PTPRT: variants seen among roughly 807,000 people sequenced by gnomAD.
PTPRT encodes protein tyrosine phosphatase receptor type T, also known as receptor-type tyrosine-protein phosphatase T.
In PTPRT, 56 loss-of-function variants were observed where a neutral mutation model predicts 176.8. That is an observed-to-expected ratio of 0.32 (90% CI 0.26 to 0.40). PTPRT has a LOEUF of 0.40. Ranked by LOEUF, PTPRT falls within the 10% of genes least tolerant of loss-of-function variation. The pLI, the probability that PTPRT is intolerant of heterozygous loss-of-function variation, is 1.00. For synonymous variants in PTPRT, 783 were observed against 739.0 expected, an observed-to-expected ratio of 1.06 and a Z score of -0.96; for missense variants, 1,540 against 1,908.2, an observed-to-expected ratio of 0.81 and a Z score of 3.60.
At chr20:42,415,229 T>G (rs1355349239) in intron 9 of PTPRT, among the ~76,000 whole-genome samples, 1 of 152,190 alleles carries the variant, frequency 6.6e-6, no homozygotes, top group Non-Finnish European at 1.5e-5. Flanking sequence ...TTGCTCAGGG[T>G]GGAGTGCAGT....
intron 11 of PTPRT, among the ~76,000 whole-genome samples, chr20:42,317,167 C>T (rs746222023): frequency 1.8e-4 from 28 of 152,178 alleles, no homozygotes; most frequent in African/African-American, 6.0e-4. Flanking sequence ...AAACCCTAAT[C>T]GGATAAACAG....
intron 1 of PTPRT, among the ~76,000 whole-genome samples, chr20:43,092,073 A>G: frequency 6.6e-6 from 1 of 152,212 alleles, no homozygotes; most frequent in East Asian, 1.9e-4. Context: ...TTCTCAAAAA[A>G]CAAAGCATAC....
chr20:42,637,636 A>T (rs1274149497), intron 7 of PTPRT, among the ~76,000 whole-genome samples: 1 of 152,106 alleles, frequency 6.6e-6, no homozygotes, highest in East Asian at 1.9e-4. Context: ...AAAATTTTTC[A>T]TATCATTTTC....
At chr20:42,312,778 A>T (rs2057654248) in intron 12 of PTPRT, among the ~76,000 whole-genome samples, 1 of 147,786 alleles carries the variant, frequency 6.8e-6, no homozygotes, top group Non-Finnish European at 1.5e-5. Context: ...TGCTTCTGAG[A>T]TGAGGCAGTT....
intron 7 of PTPRT, among the ~76,000 whole-genome samples, chr20:42,575,764 C>T (rs774900878): frequency 2.0e-5 from 3 of 152,118 alleles, no homozygotes; most frequent in East Asian, 1.9e-4. Flanking sequence ...CAAGGCCTGT[C>T]GATGTTACCT....
the PTPRT span, among the ~76,000 whole-genome samples, chr20:42,033,501 GA>G: frequency 2.3e-4 from 35 of 152,260 alleles, no homozygotes; most frequent in Non-Finnish European, 4.4e-4. Flanking sequence ...CATGGATGTG[GA>G]AAATGGAGTC....
At chr20:42,127,823 G>T (rs1184759066) in intron 19 of PTPRT, among the ~76,000 whole-genome samples, 2 of 152,160 alleles carry the variant, frequency 1.3e-5, no homozygotes, top group African/African-American at 4.8e-5. Flanking sequence ...GTCGTCTCTG[G>T]AATATTGAAG....
At chr20:42,415,467 C>T (rs954779138) in intron 9 of PTPRT, among the ~76,000 whole-genome samples, 1 of 152,294 alleles carries the variant, frequency 6.6e-6, no homozygotes, top group East Asian at 1.9e-4. Context: ...CTGCCTTGAC[C>T]TCCCAAAGTG....
intron 7 of PTPRT, among the ~76,000 whole-genome samples, chr20:42,513,375 T>A (rs542849879): frequency 1.3e-5 from 2 of 152,188 alleles, no homozygotes; most frequent in South Asian, 2.1e-4. Flanking sequence ...GTTGAAAAAA[T>A]TCTAATTTAT....
At chr20:42,942,615 G>A (rs1160826905) in intron 1 of PTPRT, among the ~76,000 whole-genome samples, 1 of 152,206 alleles carries the variant, frequency 6.6e-6, no homozygotes, top group Admixed American at 6.5e-5. Context: ...TCAGCATGGG[G>A]CTTGGCACTT....
At chr20:42,899,427 A>G (rs1324829588) in intron 1 of PTPRT, among the ~76,000 whole-genome samples, 1 of 152,142 alleles carries the variant, frequency 6.6e-6, no homozygotes, top group African/African-American at 2.4e-5. Flanking sequence ...CTGTTCCCCC[A>G]TGGAACACTC....
In PTPRT at chr20:42,649,047, A is replaced by C. The variant is rs547130516; in HGVS notation, c.1153+28819T>G. The stretch of plus-strand genomic sequence containing the variant: ...TGTTAGCCAGGATGGTCTCAATCTC[A>C]TGACCTTGTGATCCGCCCACCTCGG... On this transcript the variant is annotated intron_variant, in intron 7 of 30. Transcript: ENST00000373187. Among the ~76,000 whole-genome samples the C allele has an allele frequency of 9.4e-3, 1,422 of 151,866 alleles. 11 individuals are homozygous for C. Among genetic ancestry groups the C allele is most frequent in the Middle Eastern group, 0.017 (5 of 294 alleles).
chr20:43,141,558 A>G (rs150171329), intron 1 of PTPRT, among the ~76,000 whole-genome samples: 1 of 152,202 alleles, frequency 6.6e-6, no homozygotes, highest in Non-Finnish European at 1.5e-5. Context: ...CTACTCTCCC[A>G]TTGGCCAAAA....
intron 7 of PTPRT, among the ~76,000 whole-genome samples, chr20:42,603,020 T>G (rs998262808): frequency 1.3e-5 from 2 of 152,118 alleles, no homozygotes; most frequent in Non-Finnish European, 2.9e-5. Flanking sequence ...CCTCATTCAT[T>G]TATTCATTTA....
chr20:43,068,340 T>TA (rs1414149391), intron 1 of PTPRT, among the ~76,000 whole-genome samples: 1 of 150,402 alleles, frequency 6.6e-6, no homozygotes, highest in Non-Finnish European at 1.5e-5. Context: ...CCTTATCTAC[T>TA]AAAAACACTA....
intron 15 of PTPRT, among the ~76,000 whole-genome samples, chr20:42,232,523 C>T (rs1254355700): frequency 6.6e-6 from 1 of 152,130 alleles, no homozygotes; most frequent in Non-Finnish European, 1.5e-5. Flanking sequence ...AAGGCTCCCC[C>T]TCGGGGCATA....
At chr20:43,057,097 G>C (rs1053756987) in intron 1 of PTPRT, among the ~76,000 whole-genome samples, 4 of 151,696 alleles carry the variant, frequency 2.6e-5, no homozygotes, top group African/African-American at 7.3e-5. Flanking sequence ...ATAGAAAACA[G>C]ATCAGTAGTT....
At chr20:43,038,583 T>C (rs1986478821) in intron 1 of PTPRT, among the ~76,000 whole-genome samples, 1 of 152,158 alleles carries the variant, frequency 6.6e-6, no homozygotes, top group African/African-American at 2.4e-5. Flanking sequence ...TTATTTAACT[T>C]CATTCTAGAA....
chr20:42,672,795 C>A (rs1233351581), intron 7 of PTPRT, among the ~76,000 whole-genome samples: 1 of 152,156 alleles, frequency 6.6e-6, no homozygotes, highest in Non-Finnish European at 1.5e-5. Context: ...TCAGTGACCT[C>A]TCAAAACTGG....
Sources: allele counts gnomAD v4.1 joint callset (sites outside exome capture counted in the v4.1 genomes callset), GRCh38; gene constraint gnomAD v4.1.1; transcripts MANE v1.5; gene names NCBI Gene and HGNC (gene_info 2026-07-23, HGNC 2026-07-21).